LYPLAL1: variants seen among roughly 807,000 people sequenced by gnomAD.
LYPLAL1 encodes the protein lysophospholipase-like protein 1.
Under a neutral mutation model 19.7 loss-of-function variants are expected in LYPLAL1, and 23 were observed. The observed-to-expected ratio is 1.17, with a 90% CI of 0.84 to 1.65. The LOEUF (loss-of-function observed/expected upper bound fraction) is 1.65, where lower values mean the gene tolerates loss of function less well. Among genes scored for constraint, LYPLAL1 ranks in the 40% most tolerant of loss-of-function variants. The pLI is 0.00. For missense variants in LYPLAL1, 355 were observed against 279.4 expected, an observed-to-expected ratio of 1.27 and a Z score of -1.93; for synonymous variants, 119 against 96.3, an observed-to-expected ratio of 1.24 and a Z score of -1.38.
At chr1:219,224,121 G>T in the LYPLAL1 span, among the ~76,000 whole-genome samples, 10 of 152,200 alleles carry the variant, frequency 6.6e-5, no homozygotes, top group South Asian at 2.1e-3. Flanking sequence ...TTGAGTGGGG[G>T]TGTCCATGAG....
Position 219,193,179 on chromosome 1 carries a change from A to G in LYPLAL1, c.289A>G (p.Met97Val), listed in dbSNP as rs1173509099. The G allele has an allele frequency of 7.5e-6, 12 of 1,610,720 alleles. No homozygotes were observed. The highest frequency in any genetic ancestry group is 1.1e-5 in the South Asian group (1 of 90,970). ...AGAACACCTTGAATCAATTGATGTC[A>G]TGTGTCAAGTGCTTACTGATTTGAT... ...CPEHLESIDV[M>V]CQVLTDLIDE... is the part of the protein sequence containing the mutation. The change falls in exon 3 of 5, where the codon ATG (methionine) becomes GTG (valine). Residue 97 changes from methionine (M) to valine (V), a missense_variant. Coordinates refer to ENST00000366928, the MANE Select transcript of LYPLAL1 (RefSeq NM_138794.5).
chr1:219,369,361 T>C, the LYPLAL1 span, among the ~76,000 whole-genome samples: 1 of 152,236 alleles, frequency 6.6e-6, no homozygotes. Flanking sequence ...AACCTCCACC[T>C]CCCAGGTTCA....
At chr1:219,378,629 C>T in the LYPLAL1 span, among the ~76,000 whole-genome samples, 10 of 152,028 alleles carry the variant, frequency 6.6e-5, no homozygotes, top group East Asian at 1.9e-4. Context: ...GTTCTCCATC[C>T]GAGGAAGCTA....
At chr1:219,244,924 A>AC in the LYPLAL1 span, among the ~76,000 whole-genome samples, 6 of 150,698 alleles carry the variant, frequency 4.0e-5, no homozygotes, top group Admixed American at 2.6e-4. Flanking sequence ...AAAAAAAAAA[A>AC]AAACAAAAAA....
the LYPLAL1 span, chr1:219,272,519 C>T: frequency 1.3e-5 from 2 of 152,162 alleles, no homozygotes; most frequent in Non-Finnish European, 2.9e-5. Context: ...GCCTGTAATC[C>T]CAACACTTTC....
At chr1:219,361,187 G>A in the LYPLAL1 span, among the ~76,000 whole-genome samples, 2 of 152,202 alleles carry the variant, frequency 1.3e-5, no homozygotes, top group Non-Finnish European at 2.9e-5. Context: ...AACAGAACAA[G>A]TTAGAGAACA....
chr1:219,343,046 G>C, the LYPLAL1 span, among the ~76,000 whole-genome samples: 1 of 152,160 alleles, frequency 6.6e-6, no homozygotes, highest in East Asian at 1.9e-4. Context: ...TGGCGCTTGA[G>C]GATTTGGGCT....
the LYPLAL1 span, among the ~76,000 whole-genome samples, chr1:219,328,874 G>T: frequency 1.3e-5 from 2 of 151,968 alleles, no homozygotes; most frequent in East Asian, 1.9e-4. Flanking sequence ...TGCAAAACTA[G>T]TTCTATGTTT....
chr1:219,207,949 CTT>C (rs1302720916), intron 3 of LYPLAL1, among the ~76,000 whole-genome samples: 1 of 151,964 alleles, frequency 6.6e-6, no homozygotes, highest in Non-Finnish European at 1.5e-5. Context: ...CTGTAAGTCT[CTT>C]TTTTTATTCT....
chr1:219,187,699 C>G (rs1018518221), intron 2 of LYPLAL1, among the ~76,000 whole-genome samples: 3 of 151,614 alleles, frequency 2.0e-5, no homozygotes, highest in African/African-American at 7.3e-5. Context: ...AATATGTATT[C>G]TAAAATAAAC....
the LYPLAL1 span, among the ~76,000 whole-genome samples, chr1:219,423,662 T>C: frequency 6.6e-6 from 1 of 152,130 alleles, no homozygotes; most frequent in African/African-American, 2.4e-5. Flanking sequence ...ATGGAGTTTA[T>C]GGAGAGATTA....
the LYPLAL1 span, among the ~76,000 whole-genome samples, chr1:219,384,658 A>C: frequency 6.6e-6 from 1 of 152,248 alleles, no homozygotes; most frequent in Non-Finnish European, 1.5e-5. Flanking sequence ...AAGTGCTGTC[A>C]AGTATAGTAT....
the LYPLAL1 span, among the ~76,000 whole-genome samples, chr1:219,350,334 C>T: frequency 2.0e-5 from 3 of 151,970 alleles, no homozygotes; most frequent in African/African-American, 7.3e-5. Flanking sequence ...TCTCATGAGG[C>T]ATAGAGATGC....
At chr1:219,379,645 G>A in the LYPLAL1 span, among the ~76,000 whole-genome samples, 7 of 152,294 alleles carry the variant, frequency 4.6e-5, no homozygotes, top group African/African-American at 1.4e-4. Flanking sequence ...CCTCTATGCA[G>A]TGATTTCTAT....
chr1:219,361,179 C>CAGAACAAGTTAG, the LYPLAL1 span, among the ~76,000 whole-genome samples: 34 of 152,270 alleles, frequency 2.2e-4, no homozygotes, highest in South Asian at 2.1e-3. Context: ...CACAGGTTAA[C>CAGAACAAGTTAG]AGAACAAGTT....
intron 3 of LYPLAL1, among the ~76,000 whole-genome samples, chr1:219,199,470 G>C (rs893828471): frequency 6.7e-6 from 1 of 150,182 alleles, no homozygotes; most frequent in Non-Finnish European, 1.5e-5. Context: ...ACAGAGTCTC[G>C]CTCTGTGGCC....
chr1:219,384,184 G>A, the LYPLAL1 span, among the ~76,000 whole-genome samples: 1 of 152,194 alleles, frequency 6.6e-6, no homozygotes, highest in Admixed American at 6.5e-5. Flanking sequence ...TCATTTATGG[G>A]AAAAGGAAGA....
At chr1:219,348,090 C>T in the LYPLAL1 span, among the ~76,000 whole-genome samples, 1 of 152,318 alleles carries the variant, frequency 6.6e-6, no homozygotes, top group Admixed American at 6.5e-5. Flanking sequence ...CTAACCTGGC[C>T]AAGTCAGCAA....
At chr1:219,382,620 C>T in the LYPLAL1 span, among the ~76,000 whole-genome samples, 326 of 152,244 alleles carry the variant, frequency 2.1e-3, 1 homozygote, top group East Asian at 0.021. Flanking sequence ...CCTTGGCCTC[C>T]CAAAGTGCTG....
Sources: gnomAD v4.1 joint callset for allele counts (sites outside exome capture counted in the v4.1 genomes callset) on GRCh38, gnomAD v4.1.1 for gene constraint, MANE v1.5 for transcripts, NCBI Gene and HGNC (gene_info 2026-07-23, HGNC 2026-07-21) for gene names.